Variants in SKAP2 observed in about 807,000 individuals in gnomAD.
SKAP2 encodes src kinase-associated phosphoprotein 2.
Under a neutral mutation model 54.9 loss-of-function variants are expected in SKAP2, and 28 were observed. The observed-to-expected ratio is 0.51, with a 90% confidence interval of 0.38 to 0.70. The LOEUF (loss-of-function observed/expected upper bound fraction) is 0.70. SKAP2 is among the 30% of genes least tolerant of loss of function. SKAP2 has a pLI of 0.00. For missense variants in SKAP2, 356 were observed against 424.1 expected (o/e 0.84, Z 1.41); for synonymous variants, 137 against 134.3 (o/e 1.02, Z -0.14).
At chr7:26,797,064 T>C (rs1783796092) in intron 4 of SKAP2, among the ~76,000 whole-genome samples, 1 of 152,180 alleles carries the variant, frequency 6.6e-6, no homozygotes, top group African/African-American at 2.4e-5. Flanking sequence ...GAATCAGAAG[T>C]GTTGGACTTG....
chr7:26,684,436 C>T (rs188239640), intron 11 of SKAP2, among the ~76,000 whole-genome samples: 207 of 152,112 alleles, frequency 1.4e-3, no homozygotes, highest in African/African-American at 4.7e-3. Flanking sequence ...AATCTAATAC[C>T]TTACAATGTT....
intron 4 of SKAP2, among the ~76,000 whole-genome samples, chr7:26,780,383 TCCA>T (rs1783402209): frequency 6.6e-6 from 1 of 152,094 alleles, no homozygotes; most frequent in Non-Finnish European, 1.5e-5. Flanking sequence ...CTAAATAATT[TCCA>T]TTGTTGCATA....
chr7:26,770,400 G>A (rs1347926597), intron 4 of SKAP2, among the ~76,000 whole-genome samples: 29 of 152,184 alleles, frequency 1.9e-4, no homozygotes, highest in Admixed American at 1.9e-3. Context: ...CTCTGTGGGG[G>A]TGGGATCTGC....
At chr7:26,814,050 C>A (rs1467667122) in intron 4 of SKAP2, among the ~76,000 whole-genome samples, 1 of 151,978 alleles carries the variant, frequency 6.6e-6, no homozygotes, top group African/African-American at 2.4e-5. Flanking sequence ...GAAGCTACAG[C>A]TAAAAATTGA....
intron 4 of SKAP2, among the ~76,000 whole-genome samples, chr7:26,821,478 A>G (rs773304065): frequency 6.6e-6 from 1 of 152,154 alleles, no homozygotes; most frequent in Non-Finnish European, 1.5e-5. Context: ...AGTTGGAGAA[A>G]ATGTCTCTAT....
At chr7:26,784,333 A>C (rs184559653) in intron 4 of SKAP2, among the ~76,000 whole-genome samples, 1 of 152,288 alleles carries the variant, frequency 6.6e-6, no homozygotes, top group East Asian at 1.9e-4. Context: ...GAAGATCCCC[A>C]ATCATTCAGA....
chr7:26,725,354 A>C, intron 9 of SKAP2, 74 bp downstream of exon 9: 7 of 1,132,836 alleles, frequency 6.2e-6, no homozygotes, highest in Non-Finnish European at 8.8e-6. Flanking sequence ...AATCACACAC[A>C]CAAACACACA....
intron 11 of SKAP2, among the ~76,000 whole-genome samples, chr7:26,672,348 G>C (rs1202279256): frequency 2.0e-5 from 3 of 151,976 alleles, no homozygotes; most frequent in African/African-American, 7.2e-5. Flanking sequence ...CTTCACAGTT[G>C]AGAGAATTCT....
intron 4 of SKAP2, among the ~76,000 whole-genome samples, chr7:26,794,331 G>A (rs968384242): frequency 5.3e-5 from 8 of 152,192 alleles, no homozygotes; most frequent in Non-Finnish European, 1.0e-4. Flanking sequence ...CTGAGCATAC[G>A]CTGAGAATGA....
At chr7:26,734,400 C>T (rs541448680) in intron 6 of SKAP2, among the ~76,000 whole-genome samples, 6 of 152,224 alleles carry the variant, frequency 3.9e-5, no homozygotes, top group East Asian at 3.9e-4. Flanking sequence ...TTTAGCCTTA[C>T]GTGCTCCCTC....
rs1028828677 is a variant in SKAP2, at chr7:26,828,893, G to A, written c.307+15137C>T. On this transcript the variant is annotated intron_variant, in intron 4 of 12. Transcript: ENST00000345317. Reference sequence around the variant, plus strand: ...AATACAAAAATTAGCCAGGTGTGGTGGTGTGCGCTTGTAATCCCAGCTACT... The same window carrying A: ...AATACAAAAATTAGCCAGGTGTGGTAGTGTGCGCTTGTAATCCCAGCTACT... Among the ~76,000 whole-genome samples the A allele has an allele frequency of 6.6e-5, 10 of 151,982 alleles. No individual in the cohort carries two copies. The East Asian group carries it at 1.4e-3, about 21-fold the overall frequency.
intron 6 of SKAP2, among the ~76,000 whole-genome samples, chr7:26,734,717 T>C (rs1489151437): frequency 6.6e-6 from 1 of 152,160 alleles, no homozygotes; most frequent in African/African-American, 2.4e-5. Context: ...AGTTGAATGC[T>C]GTACCGTCAC....
chr7:26,757,082 G>A (rs541640569), intron 4 of SKAP2, among the ~76,000 whole-genome samples: 24 of 152,102 alleles, frequency 1.6e-4, no homozygotes, highest in Non-Finnish European at 2.6e-4. Context: ...GCCCTTTGTC[G>A]GATGAGCAGA....
intron 6 of SKAP2, among the ~76,000 whole-genome samples, chr7:26,729,316 A>G (rs1787774112): frequency 6.6e-6 from 1 of 152,194 alleles, no homozygotes; most frequent in Non-Finnish European, 1.5e-5. Context: ...CGAGGATAAG[A>G]AAAGAGGAAC....
At chr7:26,674,605 C>G (rs535699640) in intron 11 of SKAP2, among the ~76,000 whole-genome samples, 2 of 152,168 alleles carry the variant, frequency 1.3e-5, no homozygotes, top group Non-Finnish European at 2.9e-5. Flanking sequence ...CTCTAAGGAC[C>G]TCCATGATGT....
At chr7:26,803,946 G>T (rs1361756576) in intron 4 of SKAP2, among the ~76,000 whole-genome samples, 1 of 152,170 alleles carries the variant, frequency 6.6e-6, no homozygotes, top group Non-Finnish European at 1.5e-5. Flanking sequence ...GACACGGAGT[G>T]TAGAGGATGG....
At chr7:26,748,084 A>G (rs1206548129) in intron 4 of SKAP2, among the ~76,000 whole-genome samples, 1 of 152,192 alleles carries the variant, frequency 6.6e-6, no homozygotes, top group Non-Finnish European at 1.5e-5. Flanking sequence ...CATACATTTA[A>G]GTATACGACC....
chr7:26,681,282 T>A (rs1432118658), intron 11 of SKAP2, among the ~76,000 whole-genome samples: 1 of 152,030 alleles, frequency 6.6e-6, no homozygotes, highest in East Asian at 1.9e-4. Context: ...TGAAACCCCA[T>A]CTCTACTAAA....
intron 4 of SKAP2, among the ~76,000 whole-genome samples, chr7:26,793,000 A>G (rs576901999): frequency 5.3e-5 from 8 of 152,356 alleles, no homozygotes; most frequent in African/African-American, 1.9e-4. Context: ...AGTTTTCTTC[A>G]TGATTTTTCC....
Sources: gnomAD v4.1 joint callset for allele counts (sites outside exome capture counted in the v4.1 genomes callset) on GRCh38, gnomAD v4.1.1 for gene constraint, MANE v1.5 for transcripts, NCBI Gene and HGNC (gene_info 2026-07-23, HGNC 2026-07-21) for gene names.